The following GALNT6 variants were observed in gnomAD, a reference collection of about 807,000 sequenced individuals.
The protein encoded by GALNT6 is polypeptide N-acetylgalactosaminyltransferase 6, also known as GalNAc transferase 6.
A neutral mutation model predicts 65.9 loss-of-function variants in GALNT6; 51 were observed. The observed-to-expected ratio is 0.77, with a 90% CI of 0.62 to 0.98. The LOEUF is 0.98. Ranked by LOEUF, GALNT6 falls within the 50% of genes least tolerant of loss-of-function variation. The probability of loss-of-function intolerance (pLI) is 0.00; values close to 1 mark genes in which losing one functional copy is unlikely to be tolerated. For synonymous variants in GALNT6, 323 were observed against 315.1 expected (o/e 1.02, Z -0.26); for missense variants, 708 against 803.3 (o/e 0.88, Z 1.43).
rs376952286 is a variant in GALNT6 at position 51,365,459 on chromosome 12, G to A, written c.785C>T (p.Ala262Val). The A allele has an allele frequency of 3.1e-6, 5 of 1,611,526 alleles. No homozygotes were observed. The highest frequency in any genetic ancestry group is 1.3e-5 in the African/African-American group (1 of 74,862). Reference protein sequence around the residue: ...ARLLGASVAQAEVLTFLDAHC... With the variant: ...ARLLGASVAQVEVLTFLDAHC... ...GGCATCCAGGAACGTGAGCACCTCC[G>A]CCTGTGCCACGCTGGCCCCCAGCAG... The change falls in exon 5 of 12, where the codon GCG (alanine) becomes GTG (valine). Residue 262 changes from alanine (A) to valine (V), a missense_variant. Ala to Val is a moderately conservative substitution (Grantham distance 64). Transcript: ENST00000356317.
chr12:51,379,168 C>T, intron 3 of GALNT6, 123 bp downstream of exon 3: 1 of 979,486 alleles, frequency 1.0e-6, no homozygotes, highest in Non-Finnish European at 1.5e-6. Context: ...AGAGGAGATC[C>T]TTGCCCATAT....
At chr12:51,358,301 GTTTTT>G in intron 8 of GALNT6, 40 bp from the exon 9 acceptor site, 10 of 1,447,302 alleles carry the variant, frequency 6.9e-6, no homozygotes, top group South Asian at 2.7e-5. Context: ...AGTTCCACCA[GTTTTT>G]TTTTTTTTTT....
Position 51,357,358 on chromosome 12 carries a change from G to A in GALNT6, c.1593C>T (p.Gly531=), listed in dbSNP as rs781228894. The part of the protein sequence containing the change: ...PLIMYSCHGL[G]GNQYFEYTTQ... ...TGGGTGGGCTGCATACCTGGTTGCC[G>A]CCAAGGCCGTGGCAGGAGTACATGA... The change falls in exon 10 of 12, where the codon GGC becomes GGT. Residue 531 remains glycine, a synonymous_variant. Coordinates refer to ENST00000356317, the MANE Select transcript of GALNT6 (RefSeq NM_007210.4). 31 of 1,609,894 alleles carry A rather than the reference G, an allele frequency of 1.9e-5. No homozygotes were observed. Among genetic ancestry groups the A allele is most frequent in the Middle Eastern group, 1.6e-4 (1 of 6,066 alleles).
intron 6 of GALNT6, among the ~76,000 whole-genome samples, chr12:51,362,662 G>A (rs368805301): frequency 1.1e-4 from 17 of 152,320 alleles, no homozygotes; most frequent in African/African-American, 3.6e-4. Context: ...ATCTGTTGCA[G>A]TGCACACCAA....
At position 51,355,938 on chromosome 12, in the gene GALNT6, C is replaced by T. The variant is rs777373851; in HGVS notation, c.1623G>A (p.Gln541=). The change falls in exon 11 of 12, where the codon CAG becomes CAA. Residue 541 remains glutamine (Q), a synonymous_variant. Transcript: ENST00000356317. ...TTGCGATGTTGTGGCGAAGGTCCCT[C>T]TGAGTTGTGTACTCAAAGTACTGGA... The part of the protein sequence containing the change: ...GGNQYFEYTT[Q]RDLRHNIAKQ... The T allele has an allele frequency of 4.3e-6, 7 of 1,613,330 alleles. No homozygotes were observed. The highest frequency in any genetic ancestry group is 1.7e-5 in the Admixed American group (1 of 59,980).
chr12:51,385,761 G>C (rs200828615), intron 2 of GALNT6, among the ~76,000 whole-genome samples: 1 of 55,892 alleles, frequency 1.8e-5, no homozygotes, highest in African/African-American at 3.9e-5. Flanking sequence ...GGACCAGAGA[G>C]GCCATGCCAT....
At position 51,352,065 on chromosome 12, in the gene GALNT6, C is replaced by G. The variant is rs975223103; in HGVS notation, c.*2314G>C. ...GGCGGCCTCCCGCAGGGTTGAGTTG[C>G]AATGGGAACAAAGACAGCTGTGGTC... On this transcript the variant is annotated 3_prime_UTR_variant, in exon 12 of 12. Transcript: ENST00000356317. 6.6e-6 allele frequency: 1 copy of G among 152,248 alleles called. No individual in the cohort carries two copies. Among genetic ancestry groups the G allele is most frequent in the African/African-American group, 2.4e-5 (1 of 41,452 alleles). 9.4% of individuals were successfully genotyped at this position (152,248 alleles called of 1,614,324 possible). A position where few individuals can be genotyped will look rare whatever the true frequency, so the allele number is the denominator to read the frequency against.
In GALNT6 at chr12:51,387,449, T is replaced by C. The variant is rs1455280391; in HGVS notation, c.-104+3401A>G. On this transcript the variant is annotated intron_variant, in intron 2 of 11. Transcript: ENST00000356317. The surrounding 1 kb of genome is among the most constrained non-coding windows in gnomAD (Gnocchi z 4.2). ...AATTACCCAAACATGGATTTTCTAT[T>C]GAAAAACTCAACCCAACTTTGCTCA... 6.6e-6 allele frequency among the ~76,000 whole-genome samples: 1 copy of C among 152,194 alleles called. No individual in the cohort carries two copies. Among genetic ancestry groups the C allele is most frequent in the African/African-American group, 2.4e-5 (1 of 41,442 alleles).
At chr12:51,375,837 G>A (rs949096419) in intron 4 of GALNT6, among the ~76,000 whole-genome samples, 12 of 151,776 alleles carry the variant, frequency 7.9e-5, no homozygotes, top group Non-Finnish European at 1.2e-4. Flanking sequence ...GATTACAGGC[G>A]TGAGCCACCA....
At chr12:51,383,172 T>C (rs1947726447) in intron 2 of GALNT6, among the ~76,000 whole-genome samples, 1 of 152,144 alleles carries the variant, frequency 6.6e-6, no homozygotes, top group Admixed American at 6.5e-5. Context: ...GGGGATTCAG[T>C]GTAGCAGGAG....
intron 2 of GALNT6, among the ~76,000 whole-genome samples, chr12:51,382,964 G>A (rs990619901): frequency 1.1e-4 from 16 of 152,188 alleles, no homozygotes; most frequent in Non-Finnish European, 2.1e-4. Flanking sequence ...CACTGACCAG[G>A]TGAAGGAAGC....
intron 4 of GALNT6, among the ~76,000 whole-genome samples, chr12:51,375,796 A>G (rs1947432875): frequency 6.6e-6 from 1 of 151,950 alleles, no homozygotes; most frequent in South Asian, 2.1e-4. Context: ...ACCTTAAGCA[A>G]TCTGCCTGCC....
At chr12:51,371,743 G>T (rs1306383865) in intron 4 of GALNT6, among the ~76,000 whole-genome samples, 1 of 152,088 alleles carries the variant, frequency 6.6e-6, no homozygotes, top group East Asian at 1.9e-4. Context: ...TCAGCACGCG[G>T]TCTCCTCCCC....
At chr12:51,380,641 A>G (rs1452352428) in intron 2 of GALNT6, among the ~76,000 whole-genome samples, 1 of 152,200 alleles carries the variant, frequency 6.6e-6, no homozygotes, top group Non-Finnish European at 1.5e-5. Flanking sequence ...AAATACAAAA[A>G]TTAGCTGGGC....
rs1468582392 is a variant in GALNT6, at chr12:51,352,828, T to A, written c.*1551A>T. On this transcript the variant is annotated 3_prime_UTR_variant, in exon 12 of 12. Transcript: ENST00000356317. ...CTGGGATTACAGGTGTGCGCCACCA[T>A]GCCTGGCTAATTTTTATATTTTTAG... 6.6e-5 allele frequency: 10 copies of A among 152,358 alleles called. No individual in the cohort carries two copies. Among genetic ancestry groups the A allele is most frequent in the African/African-American group, 2.4e-4 (10 of 41,574 alleles). The allele number at this position is 152,358 out of a possible 1,614,324, so 9.4% of individuals were successfully genotyped here. A position where few individuals can be genotyped will look rare whatever the true frequency, so the allele number is the denominator to read the frequency against.
chr12:51,359,209 G>T lies in GALNT6; in HGVS notation c.1291C>A (p.Leu431Met), dbSNP rs781377371. 6.2e-7 allele frequency: 1 copy of T among 1,614,136 alleles called. No homozygotes were observed. The highest frequency in any genetic ancestry group is 8.5e-7 in the Non-Finnish European group (1 of 1,179,980). ...TSVIARNQVR[L>M]AEVWMDSYKK... ...TAGCTGTCCATCCAGACCTCTGCCA[G>T]GCGCACTTGATTGCGAGCAATGACA... The change falls in exon 8 of 12, where the codon CTG becomes ATG. Residue 431 changes from leucine to methionine, a missense_variant. By Grantham distance (15) the Leu-to-Met change is conservative. Transcript: ENST00000356317.
At chr12:51,388,984 A>T (rs1947926941) in intron 2 of GALNT6, among the ~76,000 whole-genome samples, 1 of 152,208 alleles carries the variant, frequency 6.6e-6, no homozygotes, top group Admixed American at 6.5e-5. Context: ...GTCTTCTAAC[A>T]GTCCTTCTCC....
At chr12:51,385,245 T>A (rs1368462486) in intron 2 of GALNT6, among the ~76,000 whole-genome samples, 1 of 152,160 alleles carries the variant, frequency 6.6e-6, no homozygotes, top group Non-Finnish European at 1.5e-5. Context: ...TGCCTTGACC[T>A]CCCAAAGTGC....
In GALNT6 at chr12:51,376,569, G is replaced by A. The variant is rs139292144; in HGVS notation, c.664+626C>T. On this transcript the variant is annotated intron_variant, in intron 4 of 11. Coordinates refer to ENST00000356317, the MANE Select transcript of GALNT6 (RefSeq NM_007210.4). Reference sequence around the variant, plus strand: ...AATCGCTTGAACCTGGGAGGCGGAGGTTGTGGTGAGCTGAGATCACACCAT... The same window carrying A: ...AATCGCTTGAACCTGGGAGGCGGAGATTGTGGTGAGCTGAGATCACACCAT... Among the ~76,000 whole-genome samples, 1,168 of 150,668 alleles carry A rather than the reference G, an allele frequency of 7.8e-3. 13 individuals carry two copies. Among genetic ancestry groups the A allele is most frequent in the African/African-American group, 0.027 (1,109 of 40,802 alleles).
Sources: gnomAD v4.1 joint callset for allele counts (sites outside exome capture counted in the v4.1 genomes callset) on GRCh38, gnomAD v4.1.1 for gene constraint, Gnocchi (gnomAD v3.1) non-coding constraint, MANE v1.5 for transcripts, NCBI Gene and HGNC (gene_info 2026-07-23, HGNC 2026-07-21) for gene names.